Variants in GCDH observed in about 807,000 individuals in gnomAD.
GCDH encodes the protein glutaryl-CoA dehydrogenase, mitochondrial.
In GCDH, 31 loss-of-function variants were observed where a neutral mutation model predicts 52.8. The ratio of observed to expected loss-of-function variants is 0.59; its 90% CI spans 0.44 to 0.79. The LOEUF is 0.79. Among genes scored for constraint, GCDH ranks in the 30% least tolerant of loss-of-function variants. The pLI is 0.00. For missense variants in GCDH, 509 were observed against 595.0 expected (o/e 0.86, Z 1.50); for synonymous variants, 242 against 250.0 (o/e 0.97, Z 0.30).
rs780703352 is a variant in GCDH, at chr19:12,896,969, T to C, written c.912T>C (p.Ala304=). The change falls in exon 9 of 12, where the codon GCT becomes GCC. Residue 304 remains alanine (A), a synonymous_variant. Coordinates refer to ENST00000222214, the MANE Select transcript of GCDH (RefSeq NM_000159.4). This position sits in a 1 kb window ranked among gnomAD's most constrained non-coding sequence, Gnocchi z 5.5. The part of the protein sequence containing the change: ...RYGIAWGVLG[A]SEFCLHTARQ... The stretch of plus-strand genomic sequence containing the variant: ...GCATCGCGTGGGGCGTGCTTGGAGC[T>C]TCGGAGTTCTGCTTGCACACAGCCC... 4 of 1,612,882 alleles carry C rather than the reference T, an allele frequency of 2.5e-6. No homozygotes were observed. In the African/African-American group the frequency reaches 5.3e-5, roughly 22 times the overall value.
intron 6 of GCDH, chr19:12,894,217 G>A (rs1408749817): frequency 3.6e-6 from 5 of 1,394,292 alleles, no homozygotes; most frequent in African/African-American, 2.8e-5. Context: ...TACTTTTTAT[G>A]AGAAGCGTAT....
In GCDH at chr19:12,896,155, A is replaced by G. The variant is rs776386624; in HGVS notation, c.635+34A>G. On this transcript the variant is annotated intron_variant, in intron 7 of 11. Coordinates refer to ENST00000222214, the MANE Select transcript of GCDH (RefSeq NM_000159.4). The surrounding 1 kb of genome is among the most constrained non-coding windows in gnomAD (Gnocchi z 5.5). ...TCTGGGTGGTGGGCAGGTGGTGAACAGGGGCAAAGGGGCACTGGTCAGACC... is the reference window on the plus strand; with the variant it reads ...TCTGGGTGGTGGGCAGGTGGTGAACGGGGGCAAAGGGGCACTGGTCAGACC... 1.5e-5 allele frequency: 25 copies of G among 1,614,016 alleles called. No homozygotes were observed. The highest frequency in any genetic ancestry group is 1.9e-5 in the Non-Finnish European group (23 of 1,180,022).
In GCDH at chr19:12,897,287, G is replaced by A. The variant is rs747248999; in HGVS notation, c.957-16G>A. 6.2e-7 allele frequency: 1 copy of A among 1,613,478 alleles called. No homozygotes were observed. Among genetic ancestry groups the A allele is most frequent in the Middle Eastern group, 1.6e-4 (1 of 6,084 alleles). Reference sequence around the variant, plus strand: ...GTGGGCCTCCCCTCGCTCTTACCCTGCCATTGCCCATGTAGGATGCAGTTT... The same window carrying A: ...GTGGGCCTCCCCTCGCTCTTACCCTACCATTGCCCATGTAGGATGCAGTTT... On this transcript the variant is annotated splice_polypyrimidine_tract_variant and intron_variant, in intron 9 of 11. Transcript: ENST00000222214.
intron 6 of GCDH, 120 bp from the exon 7 acceptor site, chr19:12,895,872 G>A: frequency 4.9e-6 from 6 of 1,218,482 alleles, no homozygotes; most frequent in Non-Finnish European, 7.2e-6. Flanking sequence ...CACCTGCCTT[G>A]GCCTCCTAAA....
Position 12,891,941 on chromosome 19 carries a change from A to C in GCDH, c.238A>C (p.Met80Leu). The C allele has an allele frequency of 6.2e-7, 1 of 1,614,198 alleles. No homozygotes were observed. Among genetic ancestry groups the C allele is most frequent in the Non-Finnish European group, 8.5e-7 (1 of 1,180,028 alleles). ...CCGCACCTACTGCCAGGAGAGACTC[A>C]TGCCTCGCATCCTGTTGGCCAATCG... Reference protein sequence around the residue: ...TFRTYCQERLMPRILLANRNE... With the variant: ...TFRTYCQERLLPRILLANRNE... Residue 80 changes from methionine (M) to leucine (L), a missense_variant, in exon 4 of 12, where the codon ATG becomes CTG. Met to Leu is a conservative substitution (Grantham distance 15, BLOSUM62 2). Transcript: ENST00000222214.
chr19:12,896,541 T>C lies in GCDH; in HGVS notation c.852+120T>C. On this transcript the variant is annotated intron_variant, in intron 8 of 11. Coordinates refer to ENST00000222214, the MANE Select transcript of GCDH (RefSeq NM_000159.4). This position sits in a 1 kb window ranked among gnomAD's most constrained non-coding sequence, Gnocchi z 5.5. ...TGTGGAGCCCACACAGTGGTGATTC[T>C]TACTCAGCCGGACTCGCTGACGTGC... The C allele has an allele frequency of 1.2e-6, 1 of 825,836 alleles. No individual in the cohort carries two copies. Among genetic ancestry groups the C allele is most frequent in the Admixed American group, 2.0e-5 (1 of 49,950 alleles). 51.2% of individuals were successfully genotyped at this position (825,836 alleles called of 1,614,324 possible). A position where few individuals can be genotyped will look rare whatever the true frequency, so the allele number is the denominator to read the frequency against.
At chr19:12,894,701 C>T (rs951202374) in intron 6 of GCDH, 32 of 788,020 alleles carry the variant, frequency 4.1e-5, no homozygotes, top group Non-Finnish European at 3.5e-5. Context: ...GCACAAACAG[C>T]GGCGTATTGC....
intron 6 of GCDH, chr19:12,894,906 A>G (rs1970638396): frequency 1.3e-5 from 4 of 319,054 alleles, no homozygotes; most frequent in Non-Finnish European, 2.3e-5. Flanking sequence ...AAATAAGATC[A>G]GATTCGCAAA....
intron 6 of GCDH, chr19:12,894,882 AT>A: frequency 2.6e-6 from 1 of 383,220 alleles, no homozygotes; most frequent in Non-Finnish European, 4.8e-6. Flanking sequence ...CAGAAATAAG[AT>A]TTTTTGAGTA....
chr19:12,899,557 G>C lies in GCDH; in HGVS notation c.*16G>C. The C allele has an allele frequency of 6.2e-7, 1 of 1,614,104 alleles. No homozygotes were observed. Among genetic ancestry groups the C allele is most frequent in the Non-Finnish European group, 8.5e-7 (1 of 1,179,996 alleles). On this transcript the variant is annotated 3_prime_UTR_variant, in exon 12 of 12. Coordinates refer to ENST00000222214, the MANE Select transcript of GCDH (RefSeq NM_000159.4). ...CAGCAAGTGAGCCGCTCCATCAGGGGCCCGAAACTCTCAAGCCCCTTTCTG... is the reference window on the plus strand; with the variant it reads ...CAGCAAGTGAGCCGCTCCATCAGGGCCCCGAAACTCTCAAGCCCCTTTCTG...
At chr19:12,892,613 G>A (rs1210843535) in intron 5 of GCDH, among the ~76,000 whole-genome samples, 2 of 151,576 alleles carry the variant, frequency 1.3e-5, no homozygotes, top group African/African-American at 2.4e-5. Context: ...ATGGAGTTTC[G>A]CTCTTGTTGT....
chr19:12,893,910 G>A (rs1391114413), intron 6 of GCDH: 1 of 597,732 alleles, frequency 1.7e-6, no homozygotes, highest in Non-Finnish European at 3.0e-6. Context: ...AGTCCACCAG[G>A]TTCCTGCTGG....
intron 6 of GCDH, chr19:12,893,971 T>G (rs1970615901): frequency 1.7e-6 from 1 of 580,022 alleles, no homozygotes; most frequent in Non-Finnish European, 3.1e-6. Flanking sequence ...GAGGGTGAAG[T>G]GAGAAGATCC....
rs1333480915 is a variant in GCDH at position 12,891,947 on chromosome 19, C to T, written c.244C>T (p.Arg82Cys). Residue 82 changes from arginine (R) to cysteine (C), a missense_variant, in exon 4 of 12, where the codon CGC (arginine) becomes TGC (cysteine). Arg to Cys is a radical substitution (Grantham distance 180). Coordinates refer to ENST00000222214, the MANE Select transcript of GCDH (RefSeq NM_000159.4). ...CTACTGCCAGGAGAGACTCATGCCT[C>T]GCATCCTGTTGGCCAATCGCAACGA... ...RTYCQERLMP[R>C]ILLANRNEVF... 5 of 1,614,122 alleles carry T rather than the reference C, an allele frequency of 3.1e-6. No homozygotes were observed. The highest frequency in any genetic ancestry group is 4.2e-6 in the Non-Finnish European group (5 of 1,180,050).
At chr19:12,892,310 C>A (rs765083035) in intron 5 of GCDH, 132 bp downstream of exon 5, 25 of 865,038 alleles carry the variant, frequency 2.9e-5, no homozygotes, top group Non-Finnish European at 4.5e-5. Flanking sequence ...TTCTTCCCCC[C>A]CAACAGAGTC....
chr19:12,896,248 C>A lies in GCDH; in HGVS notation c.679C>A (p.Arg227=). The A allele has an allele frequency of 6.2e-7, 1 of 1,611,244 alleles. No homozygotes were observed. Among genetic ancestry groups the A allele is most frequent in the Non-Finnish European group, 8.5e-7 (1 of 1,178,884 alleles). Residue 227 remains arginine, a synonymous_variant, in exon 8 of 12, where the codon CGG becomes AGG. Coordinates refer to ENST00000222214, the MANE Select transcript of GCDH (RefSeq NM_000159.4). This position sits in a 1 kb window ranked among gnomAD's most constrained non-coding sequence, Gnocchi z 5.5. ...PMADLFVVWA[R]CEDGCIRGFL... ...GGCCGATCTGTTTGTAGTGTGGGCT[C>A]GGTGTGAAGATGGCTGCATTCGGGG...
Position 12,891,533 on chromosome 19 carries a change from C to T in GCDH, c.127+11C>T, listed in dbSNP as rs1174315606. Reference sequence around the variant, plus strand: ...GCCAACTGGCTAAGTGTAAGGACCTCTGGTCGCACCGTGTGTCTGCTGCCC... The same window carrying T: ...GCCAACTGGCTAAGTGTAAGGACCTTTGGTCGCACCGTGTGTCTGCTGCCC... On this transcript the variant is annotated intron_variant, in intron 3 of 11. Transcript: ENST00000222214. 1 of 1,614,182 alleles carries T rather than the reference C, an allele frequency of 6.2e-7. No homozygotes were observed. The highest frequency in any genetic ancestry group is 1.7e-5 in the Admixed American group (1 of 60,030).
intron 5 of GCDH, chr19:12,892,436 T>C: frequency 1.8e-6 from 1 of 567,226 alleles, no homozygotes; most frequent in South Asian, 2.1e-5. Context: ...GGATTACAGG[T>C]ATGTGCCACC....
intron 6 of GCDH, among the ~76,000 whole-genome samples, chr19:12,895,780 T>A (rs1209629786): frequency 6.6e-5 from 4 of 60,610 alleles, no homozygotes; most frequent in African/African-American, 2.9e-4. Flanking sequence ...TCTGGCTATT[T>A]TTTTTTTTTT....
Sources: gnomAD v4.1 joint callset for allele counts (sites outside exome capture counted in the v4.1 genomes callset) on GRCh38, gnomAD v4.1.1 for gene constraint, Gnocchi (gnomAD v3.1) non-coding constraint, MANE v1.5 for transcripts, NCBI Gene and HGNC (gene_info 2026-07-23, HGNC 2026-07-21) for gene names.